The following KCP variants were observed in gnomAD, a reference collection of about 807,000 sequenced individuals.
KCP encodes kielin/chordin-like protein.
In KCP, 194 loss-of-function variants were observed where a neutral mutation model predicts 212.7. The observed-to-expected ratio is 0.91, with a 90% CI of 0.81 to 1.03. The LOEUF is 1.03. Among genes scored for constraint, KCP ranks in the 50% least tolerant of loss-of-function variants. The pLI is 0.00. For synonymous variants in KCP, 833 were observed against 865.3 expected, an observed-to-expected ratio of 0.96 and a Z score of 0.65; for missense variants, 2,080 against 2,162.5, an observed-to-expected ratio of 0.96 and a Z score of 0.76.
intron 29 of KCP, 40 bp from the exon 30 acceptor site, chr7:128,882,056 G>T (rs1202370495): frequency 6.8e-7 from 1 of 1,479,976 alleles, no homozygotes; most frequent in East Asian, 2.5e-5. Flanking sequence ...CAGAAAGAGG[G>T]GCACAGGGCT....
intron 29 of KCP, among the ~76,000 whole-genome samples, chr7:128,883,552 G>C (rs904992949): frequency 1.3e-5 from 2 of 152,190 alleles, no homozygotes; most frequent in African/African-American, 4.8e-5. Flanking sequence ...ATGTAAAATG[G>C]CTGTGTTAGG....
intron 5 of KCP, among the ~76,000 whole-genome samples, chr7:128,905,304 A>G (rs1795069659): frequency 1.3e-5 from 2 of 152,204 alleles, no homozygotes; most frequent in Non-Finnish European, 2.9e-5. Flanking sequence ...CATGCCGTTT[A>G]TTGAAATTAA....
chr7:128,891,726 G>T lies in KCP; in HGVS notation c.1715C>A (p.Ala572Asp). 3 of 1,447,686 alleles carry T rather than the reference G, an allele frequency of 2.1e-6. No individual in the cohort carries two copies. Among genetic ancestry groups the T allele is most frequent in the African/African-American group, 1.4e-5 (1 of 69,416 alleles). The allele number at this position is 1,447,686 out of a possible 1,614,324, so 89.7% of individuals were successfully genotyped here. Reference protein sequence around the residue: ...CQECRCQEGHAHCQPRPCPRA... With the variant: ...CQECRCQEGHDHCQPRPCPRA... ...GGGGCAGGGGCGAGGCTGGCAGTGG[G>T]CATGGCCTTCCTGGCATCGGCACTC... The change falls in exon 17 of 40, where the codon GCC becomes GAC. Residue 572 changes from alanine (A) to aspartate (D), a missense_variant. Physicochemically the swap from Ala to Asp is moderately radical, Grantham distance 126. Coordinates refer to ENST00000610776, the MANE Select transcript of KCP (RefSeq NM_001366122.1).
intron 5 of KCP, among the ~76,000 whole-genome samples, chr7:128,905,324 A>G (rs902014942): frequency 1.7e-4 from 26 of 152,162 alleles, no homozygotes; most frequent in Non-Finnish European, 2.9e-4. Context: ...AGATTTAACA[A>G]AGCATTCTAG....
intron 20 of KCP, 90 bp downstream of exon 20, chr7:128,890,796 CCCGACGTGGGCGGAGCGGG>C: frequency 9.9e-7 from 1 of 1,007,700 alleles, no homozygotes; most frequent in Non-Finnish European, 1.4e-6. Flanking sequence ...TAACAAGATC[CCCGACGTGGGCGGAGCGGG>C]CCTGGAGGAA....
chr7:128,892,649 G>A, intron 15 of KCP, 39 bp downstream of exon 15: 1 of 1,549,832 alleles, frequency 6.5e-7, no homozygotes, highest in East Asian at 2.4e-5. Flanking sequence ...GCATGCCCAG[G>A]AGGGGCTCAG....
rs1229229832 is a variant in KCP at position 128,879,716 on chromosome 7, A to T, written c.4044+2T>A. The T allele has an allele frequency of 1.3e-6, 2 of 1,549,958 alleles. No individual in the cohort carries two copies. Among genetic ancestry groups the T allele is most frequent in the African/African-American group, 2.7e-5 (2 of 73,014 alleles). On this transcript the variant is annotated splice_donor_variant, in intron 36 of 39. Coordinates refer to ENST00000610776, the MANE Select transcript of KCP (RefSeq NM_001366122.1). LOFTEE classifies it high-confidence loss of function. ...CTTCCTCCACTCCTCGGCTTTGCTC[A>T]CCGTGACTGCCCCGTCCTGCAGCAG...
At chr7:128,884,947 C>A in intron 27 of KCP, 84 bp from the exon 28 acceptor site, 2 of 1,495,614 alleles carry the variant, frequency 1.3e-6, no homozygotes, top group Non-Finnish European at 1.8e-6. Flanking sequence ...TATCTCCAGC[C>A]TCCCCCTGAT....
intron 27 of KCP, 32 bp from the exon 28 acceptor site, chr7:128,884,895 A>C (rs1270100674): frequency 6.5e-6 from 10 of 1,544,458 alleles, no homozygotes; most frequent in Non-Finnish European, 7.9e-6. Flanking sequence ...GAACGGGACC[A>C]GGGGTCCTTC....
intron 26 of KCP, among the ~76,000 whole-genome samples, chr7:128,885,525 G>A (rs560584272): frequency 4.3e-4 from 66 of 152,214 alleles, no homozygotes; most frequent in Non-Finnish European, 7.6e-4. Context: ...AGCAGGCACT[G>A]CCCAGTGCAG....
chr7:128,892,261 G>A (rs1214376914), intron 16 of KCP, among the ~76,000 whole-genome samples: 13 of 151,810 alleles, frequency 8.6e-5, no homozygotes. Context: ...GGTGGGGCGG[G>A]GGGCAGTAGT....
intron 7 of KCP, 99 bp downstream of exon 7, chr7:128,903,628 A>C (rs1463026177): frequency 1.0e-6 from 1 of 981,756 alleles, no homozygotes; most frequent in Non-Finnish European, 1.5e-6. Context: ...TCCGCCACGG[A>C]CCAAACCCAC....
rs998994305 is a variant in KCP at position 128,888,765 on chromosome 7, G to A, written c.2512+98C>T. 15 of 1,153,880 alleles carry A rather than the reference G, an allele frequency of 1.3e-5. No individual in the cohort carries two copies. In the Admixed American group the frequency reaches 1.4e-4, roughly 11 times the overall value. 71.5% of individuals were successfully genotyped at this position (1,153,880 alleles called of 1,614,324 possible). ...GAGAGTGAGAGAAAAGTATGGTGGA[G>A]CGGCAGGCAGTGGGAGGGCTGGGAG... On this transcript the variant is annotated intron_variant, in intron 22 of 39. Transcript: ENST00000610776.
At chr7:128,906,067 T>C (rs1470898673) in intron 5 of KCP, among the ~76,000 whole-genome samples, 1 of 152,016 alleles carries the variant, frequency 6.6e-6, no homozygotes, top group Non-Finnish European at 1.5e-5. Flanking sequence ...AGGAAAAAGA[T>C]TTTGTGCCTG....
chr7:128,878,461 G>GC (rs1185369846), intron 38 of KCP, 97 bp downstream of exon 38: 14 of 1,319,126 alleles, frequency 1.1e-5, no homozygotes, highest in South Asian at 1.5e-5. Context: ...GTGTGACTTC[G>GC]CCCCCCTTCC....
intron 1 of KCP, among the ~76,000 whole-genome samples, chr7:128,909,317 G>T (rs1795310088): frequency 6.6e-6 from 1 of 152,188 alleles, no homozygotes. Context: ...AGGAGGGAGA[G>T]GGATGGGTCT....
intron 2 of KCP, among the ~76,000 whole-genome samples, chr7:128,908,128 CAA>C (rs11323714): frequency 2.6e-4 from 20 of 76,096 alleles, no homozygotes; most frequent in East Asian, 5.9e-4. Flanking sequence ...GACTCCATCT[CAA>C]AAAAAAAAAA....
chr7:128,903,766 G>A lies in KCP; in HGVS notation c.709C>T (p.Pro237Ser), dbSNP rs759965613. The A allele has an allele frequency of 2.6e-6, 4 of 1,551,284 alleles. No individual in the cohort carries two copies. Among genetic ancestry groups the A allele is most frequent in the East Asian group, 2.4e-5 (1 of 40,878 alleles). The change falls in exon 7 of 40, where the codon CCA becomes TCA. Residue 237 changes from proline to serine, a missense_variant. By Grantham distance (74) the Pro-to-Ser change is moderately conservative. Coordinates refer to ENST00000610776, the MANE Select transcript of KCP (RefSeq NM_001366122.1). The stretch of plus-strand genomic sequence containing the variant: ...CAGCAGTGCCCAGGCCTCAGCACTG[G>A]CTCTGGGCAGGGGCTAGGCGGGCAC... ...LKCPPSPCPE[P>S]VLRPGHCCPT...
Position 128,877,709 on chromosome 7 carries a change from T to C in KCP, c.4393A>G (p.Arg1465Gly). 6.4e-7 allele frequency: 1 copy of C among 1,551,200 alleles called. No individual in the cohort carries two copies. Among genetic ancestry groups the C allele is most frequent in the South Asian group, 1.2e-5 (1 of 84,066 alleles). The change falls in exon 39 of 40, where the codon AGG becomes GGG. Residue 1465 changes from arginine (R) to glycine (G), a missense_variant. Coordinates refer to ENST00000610776, the MANE Select transcript of KCP (RefSeq NM_001366122.1). ...DPCRAAGYRA[R>G]REANARCGVL... ...CCACACCGGGCATTGGCCTCACGCC[T>C]GGCACGGTAACCTGCTGCCCGGCAC...
Sources: allele counts gnomAD v4.1 joint callset (sites outside exome capture counted in the v4.1 genomes callset), GRCh38; gene constraint gnomAD v4.1.1; transcripts MANE v1.5; gene names NCBI Gene and HGNC (gene_info 2026-07-23, HGNC 2026-07-21).